ADGRL3: variants seen among roughly 807,000 people sequenced by gnomAD.
The protein encoded by ADGRL3 is adhesion G protein-coupled receptor L3.
A neutral mutation model predicts 153.5 loss-of-function variants in ADGRL3; 62 were observed. That is an observed-to-expected ratio of 0.40 (90% CI 0.33 to 0.50). ADGRL3 has a LOEUF of 0.50. Among genes scored for constraint, ADGRL3 ranks in the 20% least tolerant of loss-of-function variants. ADGRL3 has a pLI of 0.47. For synonymous variants in ADGRL3, 710 were observed against 672.5 expected, an observed-to-expected ratio of 1.06 and a Z score of -0.86; for missense variants, 1,641 against 1,859.4, an observed-to-expected ratio of 0.88 and a Z score of 2.16.
At chr4:61,351,322 A>G (rs1011245204) in intron 1 of ADGRL3, among the ~76,000 whole-genome samples, 1 of 152,226 alleles carries the variant, frequency 6.6e-6, no homozygotes, top group African/African-American at 2.4e-5. Context: ...GAAAGAAGCC[A>G]TCTCCATAAC....
intron 1 of ADGRL3, among the ~76,000 whole-genome samples, chr4:61,364,366 A>T (rs2096355527): frequency 6.6e-6 from 1 of 151,596 alleles, no homozygotes; most frequent in Non-Finnish European, 1.5e-5. Context: ...TAATAATTTT[A>T]AAAATCATGA....
intron 1 of ADGRL3, among the ~76,000 whole-genome samples, chr4:61,215,372 T>C (rs531083797): frequency 6.6e-6 from 1 of 152,150 alleles, no homozygotes; most frequent in South Asian, 2.1e-4. Context: ...TTAAGTGCCA[T>C]TGAAAATTGC....
chr4:61,910,993 G>A (rs1161386954), intron 12 of ADGRL3, among the ~76,000 whole-genome samples: 2 of 151,612 alleles, frequency 1.3e-5, no homozygotes, highest in African/African-American at 4.8e-5. Context: ...GAGCATAAAG[G>A]AGTTATTTTT....
chr4:61,840,345 G>C (rs2098011119), intron 9 of ADGRL3, among the ~76,000 whole-genome samples: 1 of 152,208 alleles, frequency 6.6e-6, no homozygotes, highest in Non-Finnish European at 1.5e-5. Flanking sequence ...CTCCCAAAGT[G>C]CTGGGATTAC....
Position 62,067,016 on chromosome 4 carries a change from T to C in ADGRL3, c.3815-1150T>C, listed in dbSNP as rs867242200. ...TTCTAAAATGCTTTCATTTAAGGAA[T>C]GAGCCATAATGAGCCTGCAAGCATT... On this transcript the variant is annotated intron_variant, in intron 25 of 26. Transcript: ENST00000683033. Among the ~76,000 whole-genome samples, 10 of 152,264 alleles carry C rather than the reference T, an allele frequency of 6.6e-5. No homozygotes were observed. In the South Asian group the frequency reaches 1.0e-3, roughly 16 times the overall value.
intron 6 of ADGRL3, among the ~76,000 whole-genome samples, chr4:61,683,608 C>T (rs904702100): frequency 6.6e-6 from 1 of 152,038 alleles, no homozygotes; most frequent in Non-Finnish European, 1.5e-5. Flanking sequence ...GTGGGCATGA[C>T]AGTGTAGAAA....
At chr4:61,973,276 G>A (rs1051088124) in intron 17 of ADGRL3, among the ~76,000 whole-genome samples, 2 of 151,856 alleles carry the variant, frequency 1.3e-5, no homozygotes, top group African/African-American at 4.8e-5. Flanking sequence ...ATCATTGAGT[G>A]TACCTCATGG....
intron 13 of ADGRL3, among the ~76,000 whole-genome samples, chr4:61,931,141 ATTAT>A (rs893243307): frequency 6.6e-6 from 1 of 152,216 alleles, no homozygotes; most frequent in African/African-American, 2.4e-5. Context: ...AAGGGGTCAC[ATTAT>A]TTAAGTCTCT....
intron 2 of ADGRL3, among the ~76,000 whole-genome samples, chr4:61,447,016 G>T (rs2152498252): frequency 6.6e-6 from 1 of 152,138 alleles, no homozygotes; most frequent in South Asian, 2.1e-4. Context: ...GCTATAATTT[G>T]CTCAGTTAAT....
intron 8 of ADGRL3, among the ~76,000 whole-genome samples, chr4:61,764,102 C>A (rs2152233521): frequency 6.6e-6 from 1 of 152,192 alleles, no homozygotes; most frequent in East Asian, 1.9e-4. Context: ...TGTAAATGTT[C>A]ATTTATCTCT....
chr4:61,634,987 GA>G lies in ADGRL3; in HGVS notation c.474-41836del, dbSNP rs368220147. On this transcript the variant is annotated intron_variant, in intron 5 of 26. Transcript: ENST00000683033. ...ATTCATCTTCACTGAGAACTCATGAGAAAGACTGAGGCGAGGGCAAGAAAAC... is the reference window on the plus strand; with the variant it reads ...ATTCATCTTCACTGAGAACTCATGAGAAGACTGAGGCGAGGGCAAGAAAAC... Among the ~76,000 whole-genome samples, 173 of 152,262 alleles carry G rather than the reference GA, an allele frequency of 1.1e-3. 3 individuals are homozygous for G. The East Asian group carries it at 0.029, about 26-fold the overall frequency.
intron 6 of ADGRL3, among the ~76,000 whole-genome samples, chr4:61,687,134 A>G (rs555413476): frequency 6.7e-6 from 1 of 149,610 alleles, no homozygotes; most frequent in East Asian, 2.0e-4. Flanking sequence ...TAATTGCCCA[A>G]TTTTTTTTTT....
intron 5 of ADGRL3, among the ~76,000 whole-genome samples, chr4:61,647,765 A>C (rs1015063887): frequency 1.3e-5 from 2 of 151,608 alleles, no homozygotes; most frequent in African/African-American, 2.4e-5. Context: ...TATAGGAGTA[A>C]AAAATTGTAT....
intron 13 of ADGRL3, 123 bp from the exon 14 acceptor site, chr4:61,934,717 G>T: frequency 1.5e-6 from 1 of 655,256 alleles, no homozygotes; most frequent in Non-Finnish European, 2.7e-6. Flanking sequence ...GGGGAGGCTG[G>T]GACAATACTG....
intron 1 of ADGRL3, among the ~76,000 whole-genome samples, chr4:61,242,935 A>G (rs565221771): frequency 1.3e-4 from 20 of 152,242 alleles, no homozygotes; most frequent in African/African-American, 4.6e-4. Flanking sequence ...GTGCAAACCA[A>G]TAAGGCATAA....
In ADGRL3 at chr4:61,935,036, T is replaced by C; in HGVS notation, c.2296+13T>C. ...ACAGACAATATTAGTAAGTGGCCTT[T>C]GTTATTCAGAAGGTCCAGACACTCT... On this transcript the variant is annotated intron_variant, in intron 14 of 26. Transcript: ENST00000683033. The C allele has an allele frequency of 5.0e-6, 8 of 1,611,664 alleles. No homozygotes were observed. The highest frequency in any genetic ancestry group is 6.8e-6 in the Non-Finnish European group (8 of 1,178,076).
At chr4:61,751,038 C>G (rs6834816) in intron 8 of ADGRL3, among the ~76,000 whole-genome samples, 13,180 of 152,030 alleles carry the variant, frequency 0.087, 1,215 homozygotes, top group African/African-American at 0.23. Context: ...CCTGTCAGAT[C>G]AACAGTGGCA....
chr4:61,903,742 C>CT (rs1356280754), intron 11 of ADGRL3, among the ~76,000 whole-genome samples: 1 of 137,406 alleles, frequency 7.3e-6, no homozygotes, highest in South Asian at 2.5e-4. Context: ...TAAAAAGATA[C>CT]TTTTTATATT....
chr4:61,995,147 AC>A (rs1354489325), intron 19 of ADGRL3, among the ~76,000 whole-genome samples: 1 of 148,258 alleles, frequency 6.7e-6, no homozygotes, highest in Non-Finnish European at 1.5e-5. Context: ...CTAGTGAATC[AC>A]CCTCCTTGGC....
Sources: gnomAD v4.1 joint callset for allele counts (sites outside exome capture counted in the v4.1 genomes callset) on GRCh38, gnomAD v4.1.1 for gene constraint, MANE v1.5 for transcripts, NCBI Gene and HGNC (gene_info 2026-07-23, HGNC 2026-07-21) for gene names.